Variants in SYTL5 observed in about 807,000 individuals in gnomAD.
SYTL5 encodes the protein synaptotagmin-like protein 5.
A neutral mutation model predicts 55.9 loss-of-function variants in SYTL5; 34 were observed. That is an observed-to-expected ratio of 0.61 (90% CI 0.46 to 0.81). SYTL5 has a LOEUF of 0.81. Ranked by LOEUF, SYTL5 falls within the 30% of genes least tolerant of loss-of-function variation. SYTL5 has a pLI of 0.00. For missense variants in SYTL5, 637 were observed against 546.7 expected (o/e 1.17, Z -1.65); for synonymous variants, 221 against 188.7 (o/e 1.17, Z -1.40).
At position 38,126,213 on chromosome X, in the gene SYTL5, CA is replaced by C. The variant is rs1211139668; in HGVS notation, c.2051-370del. Among the ~76,000 whole-genome samples the C allele has an allele frequency of 5.0e-4, 56 of 111,598 alleles. 1 individual carries two copies. The highest frequency in any genetic ancestry group is 1.8e-3 in the African/African-American group (55 of 30,675). On this transcript the variant is annotated intron_variant, in intron 16 of 16. Transcript: ENST00000297875. ...TACTTATTTATAGATTAAGGGGAGC[CA>C]AAAATATCTATACCACTAAAAGGAA...
chrX:37,895,845 T>G, the SYTL5 span, among the ~76,000 whole-genome samples: 2 of 111,936 alleles, frequency 1.8e-5, no homozygotes, highest in African/African-American at 3.2e-5. Context: ...CTGATTCAGC[T>G]TTAATGATAT....
intron 1 of SYTL5, among the ~76,000 whole-genome samples, chrX:38,018,645 G>A (rs1334474920): frequency 1.8e-5 from 2 of 110,867 alleles, no homozygotes; most frequent in Non-Finnish European, 3.8e-5. Context: ...CTTTACCCCC[G>A]TGTTACTGAA....
the SYTL5 span, among the ~76,000 whole-genome samples, chrX:37,913,025 G>T: frequency 8.9e-6 from 1 of 111,931 alleles, no homozygotes; most frequent in Non-Finnish European, 1.9e-5. Flanking sequence ...CTGCTTAAAG[G>T]GATTTGACTT....
the SYTL5 span, among the ~76,000 whole-genome samples, chrX:37,936,851 G>A: frequency 9.3e-6 from 1 of 107,976 alleles, no homozygotes; most frequent in Non-Finnish European, 1.9e-5. Flanking sequence ...AGACCAGCCT[G>A]GCCAACATGG....
At chrX:37,959,425 A>C in the SYTL5 span, among the ~76,000 whole-genome samples, 1 of 111,894 alleles carries the variant, frequency 8.9e-6, no homozygotes, top group Non-Finnish European at 1.9e-5. Flanking sequence ...ACTTGTGGAT[A>C]ATTAACATGG....
intron 1 of SYTL5, among the ~76,000 whole-genome samples, chrX:38,022,543 A>G (rs1197453413): frequency 9.0e-6 from 1 of 111,621 alleles, no homozygotes; most frequent in Non-Finnish European, 1.9e-5. Flanking sequence ...TTCAAAGCCC[A>G]TCACCTCAGC....
chrX:37,928,704 T>A, the SYTL5 span, among the ~76,000 whole-genome samples: 2 of 112,386 alleles, frequency 1.8e-5, no homozygotes, highest in Non-Finnish European at 3.8e-5. Flanking sequence ...TCGTGCCTTT[T>A]GATTTTGTCT....
chrX:37,895,409 TTTCC>T, the SYTL5 span, among the ~76,000 whole-genome samples: 6,678 of 83,321 alleles, frequency 0.08, 335 homozygotes, highest in Non-Finnish European at 0.11. Context: ...TAGTTTTTCT[TTTCC>T]TTCCTTCCTT....
At chrX:37,990,964 T>A in the SYTL5 span, 1 of 1,211,739 alleles carries the variant, frequency 8.3e-7, no homozygotes, top group Non-Finnish European at 1.1e-6. Flanking sequence ...GAACGAGACG[T>A]CCAAAGCCAG....
the SYTL5 span, chrX:37,946,642 C>A: frequency 7.5e-6 from 1 of 133,284 alleles, no homozygotes; most frequent in South Asian, 2.3e-4. Flanking sequence ...TTCTCAGCAT[C>A]ATGATTTACA....
chrX:38,086,064 G>A (rs947679610), intron 6 of SYTL5, among the ~76,000 whole-genome samples: 6 of 111,473 alleles, frequency 5.4e-5, no homozygotes, highest in African/African-American at 9.8e-5. Context: ...AACCATAACC[G>A]CTTGCAAATA....
At chrX:37,952,533 A>G in the SYTL5 span, among the ~76,000 whole-genome samples, 1 of 111,544 alleles carries the variant, frequency 9.0e-6, no homozygotes, top group Admixed American at 9.6e-5. Context: ...CTCCATCTCT[A>G]GTGGAAGGAA....
rs188214691 is a variant in SYTL5 at position 38,128,204 on chromosome X, C to T, written c.*1474C>T. 2 of 112,457 alleles carry T rather than the reference C, an allele frequency of 1.8e-5. No homozygotes were observed. The highest frequency in any genetic ancestry group is 1.9e-4 in the Admixed American group (2 of 10,641). The allele number at this position is 112,457 out of a possible 1,213,427, so 9.3% of individuals were successfully genotyped here. ...GATTCCAAATGTGAATTTCAGAGAG[C>T]TGAGATAACTTGCCCAAGGCCATAT... On this transcript the variant is annotated 3_prime_UTR_variant, in exon 17 of 17. Coordinates refer to ENST00000297875, the MANE Select transcript of SYTL5 (RefSeq NM_138780.3).
chrX:37,978,857 A>G, the SYTL5 span, among the ~76,000 whole-genome samples: 1 of 111,505 alleles, frequency 9.0e-6, no homozygotes, highest in Non-Finnish European at 1.9e-5. Context: ...AAAGGGGAGA[A>G]GGTGAGGTGA....
the SYTL5 span, among the ~76,000 whole-genome samples, chrX:37,979,962 C>A: frequency 0.029 from 3,224 of 109,908 alleles, 65 homozygotes; most frequent in Non-Finnish European, 0.043. Context: ...CCCTCCTCCC[C>A]CTACCCCACG....
At chrX:37,988,451 T>A in the SYTL5 span, among the ~76,000 whole-genome samples, 3 of 112,540 alleles carry the variant, frequency 2.7e-5, no homozygotes, top group Non-Finnish European at 5.6e-5. Flanking sequence ...TAGGGATCTA[T>A]CACAATGTTT....
At chrX:37,900,747 T>G in the SYTL5 span, among the ~76,000 whole-genome samples, 2 of 111,306 alleles carry the variant, frequency 1.8e-5, no homozygotes, top group Non-Finnish European at 3.8e-5. Context: ...TGGTTCTGCT[T>G]GGATCATGTG....
At chrX:37,929,182 G>A in the SYTL5 span, among the ~76,000 whole-genome samples, 2 of 112,327 alleles carry the variant, frequency 1.8e-5, no homozygotes, top group African/African-American at 6.5e-5. Flanking sequence ...GAGGATTATT[G>A]TGCTATTAAT....
At chrX:37,901,940 A>G in the SYTL5 span, among the ~76,000 whole-genome samples, 1 of 111,936 alleles carries the variant, frequency 8.9e-6, no homozygotes, top group Non-Finnish European at 1.9e-5. Context: ...CCTGATAAAT[A>G]TTTGATAGGT....
Sources: gnomAD v4.1 joint callset for allele counts (sites outside exome capture counted in the v4.1 genomes callset) on GRCh38, gnomAD v4.1.1 for gene constraint, MANE v1.5 for transcripts, NCBI Gene and HGNC (gene_info 2026-07-23, HGNC 2026-07-21) for gene names.